Variants in KDM4A observed in about 807,000 individuals in gnomAD.
KDM4A encodes lysine demethylase 4A, also known as lysine-specific demethylase 4A.
KDM4A carries 23 observed loss-of-function variants against 127.1 expected under a neutral mutation model. The ratio of observed to expected loss-of-function variants is 0.18; its 90% CI spans 0.13 to 0.26. The LOEUF is 0.26. Among genes scored for constraint, KDM4A ranks in the 10% least tolerant of loss-of-function variants. KDM4A has a pLI of 1.00. For missense variants in KDM4A, 890 were observed against 1,329.1 expected, an observed-to-expected ratio of 0.67 and a Z score of 5.14; for synonymous variants, 443 against 466.5, an observed-to-expected ratio of 0.95 and a Z score of 0.65.
At position 43,680,663 on chromosome 1, in the gene KDM4A, A is replaced by G. The variant is rs576383528; in HGVS notation, c.1735-3021A>G. ...CCTTTCCAGCCTCCCTGGGCTGCCC[A>G]CATTCCTTGGCTCCTGGACCTCTAG... is the stretch of plus-strand genomic sequence containing the variant. On this transcript the variant is annotated intron_variant, in intron 11 of 21. Transcript: ENST00000372396. Among the ~76,000 whole-genome samples, 17 of 152,298 alleles carry G rather than the reference A, an allele frequency of 1.1e-4. 1 individual carries two copies. In the South Asian group the frequency reaches 3.5e-3, roughly 32 times the overall value.
intron 11 of KDM4A, 150 bp from the exon 12 acceptor site, chr1:43,683,534 C>A: frequency 1.1e-6 from 1 of 930,168 alleles, no homozygotes; most frequent in Non-Finnish European, 1.6e-6. Flanking sequence ...TGTCATTTGG[C>A]TTTTTCTAAG....
intron 14 of KDM4A, 87 bp downstream of exon 14, chr1:43,691,136 C>A (rs1316245625): frequency 7.5e-7 from 1 of 1,338,804 alleles, no homozygotes; most frequent in Non-Finnish European, 1.1e-6. Context: ...GGCCTCCCAG[C>A]CCCAAAAAGA....
At chr1:43,659,930 G>T (rs2154046625) in intron 3 of KDM4A, among the ~76,000 whole-genome samples, 1 of 152,148 alleles carries the variant, frequency 6.6e-6, no homozygotes, top group East Asian at 1.9e-4. Context: ...CTGGGTTTTG[G>T]TTGTCTGTGG....
intron 10 of KDM4A, 24 bp from the exon 11 acceptor site, chr1:43,671,477 CTCTG>C: frequency 6.6e-7 from 1 of 1,506,474 alleles, no homozygotes; most frequent in Middle Eastern, 1.8e-4. Flanking sequence ...AGGAACTTGG[CTCTG>C]TCTAATGTGT....
In KDM4A at chr1:43,704,507, T is replaced by C. The variant is rs992623298; in HGVS notation, c.*137T>C. 3.6e-5 allele frequency: 34 copies of C among 938,128 alleles called. 1 individual carries two copies. Among genetic ancestry groups the C allele is most frequent in the Non-Finnish European group, 5.1e-5 (32 of 622,594 alleles). The allele number at this position is 938,128 out of a possible 1,614,324, so 58.1% of individuals were successfully genotyped here. ...AAGGAATGAAATAACCGACCCATCA[T>C]CTTCTCACCCACCCTCATTGCATTC... On this transcript the variant is annotated 3_prime_UTR_variant, in exon 22 of 22. Transcript: ENST00000372396.
At chr1:43,690,117 G>A (rs1661074470) in intron 13 of KDM4A, among the ~76,000 whole-genome samples, 1 of 152,228 alleles carries the variant, frequency 6.6e-6, no homozygotes, top group African/African-American at 2.4e-5. Context: ...AGTTCTTCCT[G>A]GAGGGACCCT....
Position 43,671,882 on chromosome 1 carries a change from G to T in KDM4A, c.1734+7G>T, listed in dbSNP as rs556233659. The T allele has an allele frequency of 1.2e-5, 18 of 1,547,786 alleles. No homozygotes were observed. The South Asian group carries it at 2.2e-4, about 19-fold the overall frequency. ...TGAGCGGGAGCTGGCAGAGGTATGG[G>T]CTCCAGGCAGTGGTGTGGGGTGGGG... On this transcript the variant is annotated splice_region_variant and intron_variant, in intron 11 of 21. Coordinates refer to ENST00000372396, the MANE Select transcript of KDM4A (RefSeq NM_014663.3).
chr1:43,659,630 AT>A (rs1217273623), intron 3 of KDM4A, among the ~76,000 whole-genome samples: 2 of 151,772 alleles, frequency 1.3e-5, no homozygotes, highest in Non-Finnish European at 2.9e-5. Flanking sequence ...AAGTGTAGAT[AT>A]TTTTATGGCT....
Position 43,688,891 on chromosome 1 carries a change from C to CTATGAGGAA in KDM4A, c.1856-23_1856-22insTATGAGGAA. 1.2e-6 allele frequency: 2 copies of CTATGAGGAA among 1,609,872 alleles called. No individual in the cohort carries two copies. Among genetic ancestry groups the CTATGAGGAA allele is most frequent in the Non-Finnish European group, 1.7e-6 (2 of 1,177,114 alleles). On this transcript the variant is annotated intron_variant, in intron 12 of 21. Transcript: ENST00000372396. The surrounding 1 kb of genome is among the most constrained non-coding windows in gnomAD (Gnocchi z 4.4). The stretch of plus-strand genomic sequence containing the variant: ...CAGATGTGCAGGGTTAGTGCTGACT[C>CTATGAGGAA]ACACTTCTGTTTCCTCCTCTAGAGA...
chr1:43,699,637 T>G (rs1661333514), intron 19 of KDM4A: 1 of 152,068 alleles, frequency 6.6e-6, no homozygotes, highest in Admixed American at 6.5e-5. Context: ...TTTAAAATAA[T>G]CAATTTTTTT....
At chr1:43,679,240 C>T (rs1323299308) in intron 11 of KDM4A, among the ~76,000 whole-genome samples, 1 of 152,186 alleles carries the variant, frequency 6.6e-6, no homozygotes, top group Non-Finnish European at 1.5e-5. Context: ...AAGCTGGGCC[C>T]TGTGCCACAT....
Position 43,693,998 on chromosome 1 carries a change from G to A in KDM4A, c.2380G>A (p.Val794Ile), listed in dbSNP as rs1438699209. 2 of 1,614,014 alleles carry A rather than the reference G, an allele frequency of 1.2e-6. No individual in the cohort carries two copies. The highest frequency in any genetic ancestry group is 1.7e-6 in the Non-Finnish European group (2 of 1,179,994). ...ALQRANDDRWVHVSCAVAILE... is the reference protein window; with the variant it reads ...ALQRANDDRWIHVSCAVAILE... Reference sequence around the variant, plus strand: ...GGAGCCTTTGCCTTTTGGCAGGTGGGTCCACGTTTCATGTGCTGTGGCAAT... The same window carrying A: ...GGAGCCTTTGCCTTTTGGCAGGTGGATCCACGTTTCATGTGCTGTGGCAAT... Residue 794 changes from valine (V) to isoleucine (I), a missense_variant, in exon 17 of 22, where the codon GTC becomes ATC. By Grantham distance (29) the Val-to-Ile change is conservative. Coordinates refer to ENST00000372396, the MANE Select transcript of KDM4A (RefSeq NM_014663.3). The surrounding 1 kb of genome is among the most constrained non-coding windows in gnomAD (Gnocchi z 4.2).
rs144871235 is a variant in KDM4A at position 43,669,229 on chromosome 1, G to C, written c.1293G>C (p.Pro431=). 1 of 1,614,210 alleles carries C rather than the reference G, an allele frequency of 6.2e-7. No homozygotes were observed. The change falls in exon 10 of 22, where the codon CCG becomes CCC. Residue 431 remains proline, a synonymous_variant. Transcript: ENST00000372396. The part of the protein sequence containing the change: ...SSEQYEMTEC[P]AALAPVRPTH... ...AGCAGTATGAGATGACGGAGTGCCC[G>C]GCAGCCCTCGCCCCTGTGAGGCCCA...
intron 5 of KDM4A, 29 bp downstream of exon 5, chr1:43,663,116 CT>C (rs766811183): frequency 1.9e-6 from 3 of 1,590,336 alleles, no homozygotes; most frequent in African/African-American, 2.7e-5. Context: ...CGGCACCGGG[CT>C]TCTATGCTAG....
At position 43,665,732 on chromosome 1, in the gene KDM4A, A is replaced by G; in HGVS notation, c.660A>G (p.Glu220=). The part of the protein sequence containing the change: ...SVPPEHGKRL[E]RLAKGFFPGS... ...CACCTGAGCATGGAAAGCGGTTGGA[A>G]CGCCTCGCCAAAGGTACTGTGTCTC... Residue 220 remains glutamate, a synonymous_variant, in exon 6 of 22, where the codon GAA becomes GAG. Transcript: ENST00000372396. The G allele has an allele frequency of 1.9e-6, 3 of 1,614,074 alleles. No individual in the cohort carries two copies. Among genetic ancestry groups the G allele is most frequent in the Non-Finnish European group, 2.5e-6 (3 of 1,179,982 alleles).
intron 11 of KDM4A, among the ~76,000 whole-genome samples, chr1:43,672,423 G>A (rs1331750135): frequency 6.6e-6 from 1 of 151,938 alleles, no homozygotes; most frequent in African/African-American, 2.4e-5. Context: ...TCCTGACCTC[G>A]TGATCTGCCC....
At position 43,688,890 on chromosome 1, in the gene KDM4A, TCA is replaced by T. The variant is rs1485419245; in HGVS notation, c.1856-20_1856-19del. On this transcript the variant is annotated intron_variant, in intron 12 of 21. Transcript: ENST00000372396. The surrounding 1 kb of genome is among the most constrained non-coding windows in gnomAD (Gnocchi z 4.4). ...ACAGATGTGCAGGGTTAGTGCTGAC[TCA>T]CACTTCTGTTTCCTCCTCTAGAGAC... 2 of 1,609,782 alleles carry T rather than the reference TCA, an allele frequency of 1.2e-6. No individual in the cohort carries two copies. The highest frequency in any genetic ancestry group is 1.7e-6 in the Non-Finnish European group (2 of 1,177,084).
At chr1:43,650,870 G>A (rs1429024971) in intron 1 of KDM4A, among the ~76,000 whole-genome samples, 1 of 152,168 alleles carries the variant, frequency 6.6e-6, no homozygotes, top group Non-Finnish European at 1.5e-5. Flanking sequence ...CTTCGGAGCC[G>A]GTGTTCTTGA....
In KDM4A at chr1:43,703,241, C is replaced by T. The variant is rs1570886953; in HGVS notation, c.2842-376C>T. Among the ~76,000 whole-genome samples, 5 of 150,808 alleles carry T rather than the reference C, an allele frequency of 3.3e-5. No homozygotes were observed. In the South Asian group the frequency reaches 1.0e-3, roughly 32 times the overall value. On this transcript the variant is annotated intron_variant, in intron 19 of 21. Coordinates refer to ENST00000372396, the MANE Select transcript of KDM4A (RefSeq NM_014663.3). Reference sequence around the variant, plus strand: ...ACAGGCATGAGCCACCGTGCCTGGCCAAAAAAAACACATGTCTTATAGTTG... The same window carrying T: ...ACAGGCATGAGCCACCGTGCCTGGCTAAAAAAAACACATGTCTTATAGTTG...
Sources: gnomAD v4.1 joint callset for allele counts (sites outside exome capture counted in the v4.1 genomes callset) on GRCh38, gnomAD v4.1.1 for gene constraint, Gnocchi (gnomAD v3.1) non-coding constraint, MANE v1.5 for transcripts, NCBI Gene and HGNC (gene_info 2026-07-23, HGNC 2026-07-21) for gene names.